The following MMP16 variants were observed in gnomAD, a reference collection of about 807,000 sequenced individuals.
MMP16 encodes matrix metalloproteinase-16.
MMP16 carries 12 observed loss-of-function variants against 67.8 expected under a neutral mutation model. That is an observed-to-expected ratio of 0.18 (90% CI 0.11 to 0.29). The LOEUF (loss-of-function observed/expected upper bound fraction) is 0.29, where lower values mean the gene tolerates loss of function less well. Among genes scored for constraint, MMP16 ranks in the 10% least tolerant of loss-of-function variants. MMP16 has a pLI of 1.00. For synonymous variants in MMP16, 249 were observed against 255.9 expected (o/e 0.97, Z 0.26); for missense variants, 475 against 765.7 (o/e 0.62, Z 4.48).
intron 6 of MMP16, among the ~76,000 whole-genome samples, chr8:88,103,927 T>C (rs1467565663): frequency 3.3e-5 from 5 of 151,784 alleles, no homozygotes; most frequent in East Asian, 1.9e-4. Context: ...TCTTACCTAA[T>C]TGGACACCTT....
chr8:88,131,064 T>C, intron 4 of MMP16, among the ~76,000 whole-genome samples: 1 of 151,722 alleles, frequency 6.6e-6, no homozygotes, highest in Non-Finnish European at 1.5e-5. Context: ...AATAGCAACA[T>C]TCATGGGGTA....
intron 7 of MMP16, among the ~76,000 whole-genome samples, chr8:88,069,048 T>C (rs563028849): frequency 6.6e-6 from 1 of 152,208 alleles, no homozygotes; most frequent in South Asian, 2.1e-4. Context: ...ACTAGGCTCT[T>C]TGTATCTGTA....
intron 1 of MMP16, among the ~76,000 whole-genome samples, chr8:88,268,629 T>C (rs1810516957): frequency 6.6e-6 from 1 of 152,146 alleles, no homozygotes; most frequent in Admixed American, 6.6e-5. Context: ...CTTTTTTCCT[T>C]AGTAGCCAAT....
rs1172479407 is a variant in MMP16, at chr8:88,317,786, G to GA, written c.132+9288dup. Among the ~76,000 whole-genome samples the GA allele has an allele frequency of 2.0e-5, 3 of 152,160 alleles. No homozygotes were observed. In the East Asian group the frequency reaches 5.8e-4, roughly 29 times the overall value. On this transcript the variant is annotated intron_variant, in intron 1 of 9. Transcript: ENST00000286614. The stretch of plus-strand genomic sequence containing the variant: ...TACAAGAACAATCTTAGGGCCTGAA[G>GA]ATTTTTTTTTACATCTATTGGTCAA...
intron 2 of MMP16, among the ~76,000 whole-genome samples, chr8:88,194,287 A>G (rs1809216524): frequency 6.6e-6 from 1 of 152,248 alleles, no homozygotes; most frequent in African/African-American, 2.4e-5. Flanking sequence ...AAATTAGACA[A>G]GAGTTCATAG....
At chr8:88,046,572 A>G (rs150476011) in intron 9 of MMP16, 97 bp downstream of exon 9, 76 of 671,744 alleles carry the variant, frequency 1.1e-4, no homozygotes, top group African/African-American at 7.4e-4. Flanking sequence ...TAGCTCTAGT[A>G]TAGCACTTTC....
chr8:88,283,721 T>C (rs1563583561), intron 1 of MMP16, among the ~76,000 whole-genome samples: 1 of 152,188 alleles, frequency 6.6e-6, no homozygotes, highest in South Asian at 2.1e-4. Flanking sequence ...GCTTTAAAAT[T>C]TTTTATTAAT....
At chr8:88,266,854 A>G (rs1810485000) in intron 1 of MMP16, among the ~76,000 whole-genome samples, 1 of 152,168 alleles carries the variant, frequency 6.6e-6, no homozygotes, top group Admixed American at 6.5e-5. Flanking sequence ...ATCAGTAGCA[A>G]TTATCCTCAA....
chr8:88,142,418 C>T (rs1015949256), intron 4 of MMP16, among the ~76,000 whole-genome samples: 1 of 151,774 alleles, frequency 6.6e-6, no homozygotes, highest in African/African-American at 2.4e-5. Flanking sequence ...CATATAGCTG[C>T]CCAGATTTAC....
intron 2 of MMP16, among the ~76,000 whole-genome samples, chr8:88,195,269 C>T (rs1272114639): frequency 6.6e-6 from 1 of 152,116 alleles, no homozygotes; most frequent in East Asian, 1.9e-4. Context: ...GGAAATGTAC[C>T]TTTTCTAGGA....
chr8:88,043,786 T>C (rs1808164113), intron 9 of MMP16, among the ~76,000 whole-genome samples: 1 of 152,092 alleles, frequency 6.6e-6, no homozygotes, highest in South Asian at 2.1e-4. Context: ...CAGCCGAGAG[T>C]TGGTATTTGA....
intron 4 of MMP16, among the ~76,000 whole-genome samples, chr8:88,163,919 A>G (rs1252461976): frequency 6.6e-6 from 1 of 152,072 alleles, no homozygotes; most frequent in African/African-American, 2.4e-5. Flanking sequence ...AAAAGGCATT[A>G]TTTGTATTAG....
At chr8:88,201,003 G>T (rs1163599340) in intron 1 of MMP16, among the ~76,000 whole-genome samples, 2 of 151,758 alleles carry the variant, frequency 1.3e-5, no homozygotes, top group African/African-American at 4.8e-5. Context: ...TTAATATAAA[G>T]CTAGATACTG....
At chr8:88,203,657 T>C (rs1468200993) in intron 1 of MMP16, among the ~76,000 whole-genome samples, 1 of 152,210 alleles carries the variant, frequency 6.6e-6, no homozygotes, top group African/African-American at 2.4e-5. Flanking sequence ...CATGGATTTA[T>C]GAATTATATC....
intron 2 of MMP16, among the ~76,000 whole-genome samples, chr8:88,187,933 G>A (rs1296149621): frequency 6.6e-6 from 1 of 152,132 alleles, no homozygotes; most frequent in African/African-American, 2.4e-5. Flanking sequence ...AATACATCTT[G>A]TAAACGCTAA....
chr8:88,177,750 A>G (rs1808916116), intron 3 of MMP16, among the ~76,000 whole-genome samples: 1 of 152,186 alleles, frequency 6.6e-6, no homozygotes, highest in African/African-American at 2.4e-5. Context: ...TTCGTATATT[A>G]CATAAACGAA....
chr8:88,111,653 T>TA (rs1809339308), intron 6 of MMP16, among the ~76,000 whole-genome samples: 1 of 151,696 alleles, frequency 6.6e-6, no homozygotes. Context: ...AGTGCGGTGG[T>TA]ATGATTTGAT....
In MMP16 at chr8:88,230,260, T is replaced by C. The variant is rs571292058; in HGVS notation, c.133-32954A>G. ...TGCTGGTCTAGGGATGGGGACCATA[T>C]GTGGGAACCACTGCCCTAGAGCCAT... On this transcript the variant is annotated intron_variant, in intron 1 of 9. Transcript: ENST00000286614. Among the ~76,000 whole-genome samples the C allele has an allele frequency of 7.9e-5, 12 of 152,268 alleles. No homozygotes were observed. In the South Asian group the frequency reaches 1.7e-3, roughly 21 times the overall value.
chr8:88,043,916 A>C (rs1429553212), intron 9 of MMP16, among the ~76,000 whole-genome samples: 4 of 152,326 alleles, frequency 2.6e-5, no homozygotes, highest in South Asian at 2.1e-4. Flanking sequence ...TCTAGAATTA[A>C]ACAGACCTTC....
Sources: gnomAD v4.1 joint callset for allele counts (sites outside exome capture counted in the v4.1 genomes callset) on GRCh38, gnomAD v4.1.1 for gene constraint, MANE v1.5 for transcripts, NCBI Gene and HGNC (gene_info 2026-07-23, HGNC 2026-07-21) for gene names.